Variants in FDCSP observed in about 807,000 individuals in gnomAD.
FDCSP encodes follicular dendritic cell secreted peptide.
FDCSP carries 8 observed loss-of-function variants against 8.9 expected under a neutral mutation model. That is an observed-to-expected ratio of 0.90 (90% CI 0.53 to 1.63). The LOEUF (loss-of-function observed/expected upper bound fraction) is 1.63, where lower values mean the gene tolerates loss of function less well. Ranked by LOEUF, FDCSP falls within the 40% of genes most tolerant of loss-of-function variation. FDCSP has a pLI of 0.00. For missense variants in FDCSP, 101 were observed against 103.6 expected, an observed-to-expected ratio of 0.98 and a Z score of 0.11; for synonymous variants, 34 against 34.5, an observed-to-expected ratio of 0.98 and a Z score of 0.06.
At chr4:70,232,745 A>G (rs1457770402) in intron 2 of FDCSP, among the ~76,000 whole-genome samples, 4 of 151,580 alleles carry the variant, frequency 2.6e-5, no homozygotes, top group African/African-American at 9.7e-5. Flanking sequence ...AAATACTATA[A>G]ACCATATACT....
At chr4:70,229,144 G>T (rs1365716045) in intron 1 of FDCSP, among the ~76,000 whole-genome samples, 1 of 151,664 alleles carries the variant, frequency 6.6e-6, no homozygotes, top group East Asian at 1.9e-4. Flanking sequence ...AGATTTTCTG[G>T]ATAACACTGC....
rs766366241 is a variant in FDCSP, at chr4:70,234,031, C to G, written c.102C>G (p.Ser34Arg). Residue 34 changes from serine to arginine, a missense_variant, in exon 4 of 5, where the codon AGC (serine) becomes AGG (arginine). Physicochemically the swap from Ser to Arg is moderately radical, Grantham distance 110. Coordinates refer to ENST00000317987, the MANE Select transcript of FDCSP (RefSeq NM_152997.4). Reference sequence around the variant, plus strand: ...CTTTCTTTCAACAGATCAGTGACAGCGATGAATTAGCTTCAGGGTTTTTTG... The same window carrying G: ...CTTTCTTTCAACAGATCAGTGACAGGGATGAATTAGCTTCAGGGTTTTTTG... The part of the protein sequence containing the change: ...QEREKRSISD[S>R]DELASGFFVF... 1.2e-6 allele frequency: 2 copies of G among 1,603,818 alleles called. No homozygotes were observed. Among genetic ancestry groups the G allele is most frequent in the Non-Finnish European group, 1.7e-6 (2 of 1,175,036 alleles).
chr4:70,229,638 G>T (rs534452742), intron 1 of FDCSP, among the ~76,000 whole-genome samples: 1 of 151,642 alleles, frequency 6.6e-6, no homozygotes, highest in Non-Finnish European at 1.5e-5. Context: ...ATATTATCAT[G>T]TCTCAGGAAA....
At chr4:70,232,501 C>A (rs1441749251) in intron 2 of FDCSP, among the ~76,000 whole-genome samples, 4 of 151,648 alleles carry the variant, frequency 2.6e-5, no homozygotes, top group Middle Eastern at 3.4e-3. Context: ...GGCTATACCA[C>A]CTAGGTTTGT....
chr4:70,234,292 G>A, intron 4 of FDCSP, 77 bp downstream of exon 4: 1 of 1,202,352 alleles, frequency 8.3e-7, no homozygotes, highest in Non-Finnish European at 1.2e-6. Context: ...AAAAAAAAAT[G>A]TTAACTATGT....
At chr4:70,230,301 C>T (rs1730057612) in intron 1 of FDCSP, among the ~76,000 whole-genome samples, 1 of 151,516 alleles carries the variant, frequency 6.6e-6, no homozygotes, top group African/African-American at 2.4e-5. Context: ...GAAGATTTCC[C>T]ATTATTATTT....
At chr4:70,228,157 A>C (rs762231637) in intron 1 of FDCSP, among the ~76,000 whole-genome samples, 1 of 151,840 alleles carries the variant, frequency 6.6e-6, no homozygotes, top group Non-Finnish European at 1.5e-5. Flanking sequence ...AACCCTTGCA[A>C]ACCCTGCCAC....
chr4:70,228,820 G>C (rs1023238177), intron 1 of FDCSP, among the ~76,000 whole-genome samples: 1 of 151,692 alleles, frequency 6.6e-6, no homozygotes, highest in Non-Finnish European at 1.5e-5. Context: ...GAAGTGAGCT[G>C]AAAATATTAG....
Position 70,226,175 on chromosome 4 carries a change from C to T in FDCSP, c.-8C>T, listed in dbSNP as rs887870907. On this transcript the variant is annotated 5_prime_UTR_variant, in exon 1 of 5. It adds an upstream start codon to the 5' untranslated region. Coordinates refer to ENST00000317987, the MANE Select transcript of FDCSP (RefSeq NM_152997.4). ...GTCAGAGAGAAAGAACTGACTGAAACGTTTGAGGTAAGAAAGGTCTTAAAT... is the reference window on the plus strand; with the variant it reads ...GTCAGAGAGAAAGAACTGACTGAAATGTTTGAGGTAAGAAAGGTCTTAAAT... 1.3e-5 allele frequency: 2 copies of T among 151,702 alleles called. No individual in the cohort carries two copies. Among genetic ancestry groups the T allele is most frequent in the Non-Finnish European group, 2.9e-5 (2 of 67,888 alleles). The allele number at this position is 151,702 out of a possible 1,614,324, so 9.4% of individuals were successfully genotyped here.
At chr4:70,233,832 T>A (rs1183860739) in intron 3 of FDCSP, among the ~76,000 whole-genome samples, 188 bp from the exon 4 acceptor site, 1 of 151,612 alleles carries the variant, frequency 6.6e-6, no homozygotes, top group Non-Finnish European at 1.5e-5. Flanking sequence ...TGAGTATCTC[T>A]AAATAATTTT....
At chr4:70,228,959 TCA>T (rs1730035445) in intron 1 of FDCSP, among the ~76,000 whole-genome samples, 1 of 151,792 alleles carries the variant, frequency 6.6e-6, no homozygotes, top group South Asian at 2.1e-4. Flanking sequence ...AGCATTGGCT[TCA>T]ATTTAGGAAA....
intron 2 of FDCSP, among the ~76,000 whole-genome samples, chr4:70,232,291 A>T (rs1391068283): frequency 6.6e-6 from 1 of 151,632 alleles, no homozygotes; most frequent in Admixed American, 6.6e-5. Context: ...GTGTATAGGT[A>T]TAAAGGATAC....
chr4:70,228,497 C>A (rs1314767680), intron 1 of FDCSP, among the ~76,000 whole-genome samples: 1 of 151,812 alleles, frequency 6.6e-6, no homozygotes, highest in Non-Finnish European at 1.5e-5. Context: ...ATTTTGGCCT[C>A]CTCCTATGAA....
chr4:70,234,600 G>T (rs1233903783), intron 4 of FDCSP, among the ~76,000 whole-genome samples: 2 of 151,518 alleles, frequency 1.3e-5, no homozygotes, highest in East Asian at 3.9e-4. Flanking sequence ...AAGTAGACCA[G>T]CTTAGCCCTT....
At chr4:70,232,345 A>G (rs1730098364) in intron 2 of FDCSP, among the ~76,000 whole-genome samples, 1 of 151,566 alleles carries the variant, frequency 6.6e-6, no homozygotes, top group African/African-American at 2.4e-5. Context: ...TACCTTTTCT[A>G]TGTTTAGCTA....
intron 1 of FDCSP, among the ~76,000 whole-genome samples, chr4:70,228,193 T>C (rs1002315121): frequency 2.6e-5 from 4 of 151,882 alleles, no homozygotes; most frequent in Non-Finnish European, 4.4e-5. Flanking sequence ...GTTTATGTAG[T>C]ATTTTAAATC....
At chr4:70,230,294 G>T (rs1473866959) in intron 1 of FDCSP, among the ~76,000 whole-genome samples, 1 of 151,606 alleles carries the variant, frequency 6.6e-6, no homozygotes, top group African/African-American at 2.4e-5. Flanking sequence ...CAATATGGAA[G>T]ATTTCCCATT....
intron 1 of FDCSP, among the ~76,000 whole-genome samples, chr4:70,230,382 T>C (rs1324906041): frequency 1.3e-5 from 2 of 151,764 alleles, no homozygotes; most frequent in Non-Finnish European, 2.9e-5. Flanking sequence ...TTCTGTTTCA[T>C]TGTGTACTCC....
At chr4:70,231,102 G>A (rs1360411413) in intron 1 of FDCSP, 93 bp from the exon 2 acceptor site, 1 of 970,688 alleles carries the variant, frequency 1.0e-6, no homozygotes, top group Non-Finnish European at 1.5e-6. Context: ...ACTTTAACTG[G>A]ATCTTTTAAA....
Sources: allele counts gnomAD v4.1 joint callset (sites outside exome capture counted in the v4.1 genomes callset), GRCh38; gene constraint gnomAD v4.1.1; transcripts MANE v1.5; gene names NCBI Gene and HGNC (gene_info 2026-07-23, HGNC 2026-07-21).